The following SLC12A8 variants were observed in gnomAD, a reference collection of about 807,000 sequenced individuals.
The protein encoded by SLC12A8 is cation-chloride cotransporter 9.
Under a neutral mutation model 75.6 loss-of-function variants are expected in SLC12A8, and 69 were observed. That is an observed-to-expected ratio of 0.91 (90% CI 0.75 to 1.11). The LOEUF is 1.11. Ranked by LOEUF, SLC12A8 falls within the 50% of genes most tolerant of loss-of-function variation. The probability of loss-of-function intolerance (pLI) is 0.00; values close to 1 mark genes in which losing one functional copy is unlikely to be tolerated. For missense variants in SLC12A8, 877 were observed against 896.7 expected (o/e 0.98, Z 0.28); for synonymous variants, 365 against 372.8 (o/e 0.98, Z 0.24).
At chr3:125,131,784 G>A (rs1342064216) in intron 6 of SLC12A8, among the ~76,000 whole-genome samples, 1 of 152,198 alleles carries the variant, frequency 6.6e-6, no homozygotes, top group Non-Finnish European at 1.5e-5. Flanking sequence ...CAGAAAGCTG[G>A]CCCTGGACAG....
At chr3:125,091,117 A>T (rs1938568672) in intron 12 of SLC12A8, among the ~76,000 whole-genome samples, 1 of 152,202 alleles carries the variant, frequency 6.6e-6, no homozygotes, top group South Asian at 2.1e-4. Flanking sequence ...AACTTACCAC[A>T]ATCCGCCATC....
intron 4 of SLC12A8, among the ~76,000 whole-genome samples, chr3:125,184,266 C>T (rs1414353899): frequency 2.0e-5 from 3 of 152,166 alleles, no homozygotes; most frequent in East Asian, 1.9e-4. Flanking sequence ...CAACCACGCC[C>T]GACCTGCAAG....
chr3:125,188,504 A>G (rs893390378), intron 3 of SLC12A8, among the ~76,000 whole-genome samples: 1 of 152,234 alleles, frequency 6.6e-6, no homozygotes, highest in Non-Finnish European at 1.5e-5. Flanking sequence ...TGTTGAGCGA[A>G]TAAACAAACC....
chr3:125,157,655 C>G (rs897994642), intron 5 of SLC12A8, among the ~76,000 whole-genome samples: 1 of 152,218 alleles, frequency 6.6e-6, no homozygotes, highest in African/African-American at 2.4e-5. Context: ...GCTGAGTCTT[C>G]ACATATGCTG....
At chr3:125,092,509 T>TA (rs1230358175) in intron 10 of SLC12A8, among the ~76,000 whole-genome samples, 4 of 152,084 alleles carry the variant, frequency 2.6e-5, no homozygotes, top group African/African-American at 4.8e-5. Flanking sequence ...TGTAAGGTGT[T>TA]AGAGTGGGAG....
At chr3:125,145,262 T>C (rs1039735040) in intron 5 of SLC12A8, among the ~76,000 whole-genome samples, 7 of 152,244 alleles carry the variant, frequency 4.6e-5, no homozygotes, top group South Asian at 2.1e-4. Flanking sequence ...TACTTGCCTG[T>C]TTTTTCCACT....
At chr3:125,127,151 C>T (rs1933229118) in intron 6 of SLC12A8, among the ~76,000 whole-genome samples, 2 of 152,216 alleles carry the variant, frequency 1.3e-5, no homozygotes, top group African/African-American at 4.8e-5. Context: ...CTCTCTTTAC[C>T]TTCCTTCTGA....
intron 5 of SLC12A8, among the ~76,000 whole-genome samples, chr3:125,149,215 G>A (rs928439462): frequency 6.6e-6 from 1 of 152,200 alleles, no homozygotes; most frequent in African/African-American, 2.4e-5. Flanking sequence ...GCTGGGCAGC[G>A]CTCGCTCGCA....
chr3:125,190,236 C>T, intron 3 of SLC12A8, 139 bp downstream of exon 3: 1 of 884,656 alleles, frequency 1.1e-6, no homozygotes, highest in Non-Finnish European at 1.8e-6. Context: ...GCTAGCTATT[C>T]ATCGTGCTTG....
At chr3:125,185,605 C>T (rs1003519760) in intron 4 of SLC12A8, among the ~76,000 whole-genome samples, 2 of 152,140 alleles carry the variant, frequency 1.3e-5, no homozygotes, top group Non-Finnish European at 2.9e-5. Flanking sequence ...GAACACCTTC[C>T]AACTCAGTCT....
In SLC12A8 at chr3:125,083,776, G is replaced by T; in HGVS notation, c.*114C>A. 2 of 992,560 alleles carry T rather than the reference G, an allele frequency of 2.0e-6. No homozygotes were observed. The highest frequency in any genetic ancestry group is 2.9e-6 in the Non-Finnish European group (2 of 688,202). The allele number at this position is 992,560 out of a possible 1,614,324, so 61.5% of individuals were successfully genotyped here. On this transcript the variant is annotated 3_prime_UTR_variant, in exon 14 of 14. Transcript: ENST00000469902. The stretch of plus-strand genomic sequence containing the variant: ...TAGATTTCCATTGTCCAAAGTGACA[G>T]CGGGAGGATGGGTCTTGAGTTTCTC...
chr3:125,131,927 A>G (rs1328776842), intron 6 of SLC12A8, among the ~76,000 whole-genome samples: 1 of 152,088 alleles, frequency 6.6e-6, no homozygotes, highest in East Asian at 1.9e-4. Context: ...ACTGGTGGGG[A>G]GCCGGTAAGA....
intron 10 of SLC12A8, among the ~76,000 whole-genome samples, chr3:125,097,776 A>AT (rs1028837753): frequency 6.6e-6 from 1 of 151,906 alleles, no homozygotes. Flanking sequence ...GACTAGAGGA[A>AT]TTTTTTTTCT....
chr3:125,112,951 C>G (rs1939223876), intron 8 of SLC12A8, among the ~76,000 whole-genome samples: 2 of 152,200 alleles, frequency 1.3e-5, no homozygotes, highest in Admixed American at 6.5e-5. Flanking sequence ...CTGCATTCTC[C>G]CCTCAAAAAA....
intron 10 of SLC12A8, among the ~76,000 whole-genome samples, chr3:125,096,554 A>G (rs1412946203): frequency 9.9e-5 from 15 of 152,116 alleles, no homozygotes. Context: ...CTCAACATCT[A>G]TTTGCATTCA....
chr3:125,152,202 T>C (rs1394183157), intron 5 of SLC12A8, among the ~76,000 whole-genome samples: 2 of 152,206 alleles, frequency 1.3e-5, no homozygotes, highest in Non-Finnish European at 2.9e-5. Flanking sequence ...TTGCTTCAAG[T>C]AGAAATTTGA....
chr3:125,156,117 C>G (rs1470424342), intron 5 of SLC12A8, among the ~76,000 whole-genome samples: 1 of 152,166 alleles, frequency 6.6e-6, no homozygotes, highest in Non-Finnish European at 1.5e-5. Context: ...GGGCATGTGG[C>G]TGAGCTGTAG....
chr3:125,128,261 A>G (rs1353732298), intron 6 of SLC12A8, among the ~76,000 whole-genome samples: 1 of 139,472 alleles, frequency 7.2e-6, no homozygotes, highest in Non-Finnish European at 1.6e-5. Context: ...GCTCACTGCA[A>G]GCTCCGCCTC....
Position 125,083,804 on chromosome 3 carries a change from G to T in SLC12A8, c.*86C>A. 7.5e-7 allele frequency: 1 copy of T among 1,335,866 alleles called. No homozygotes were observed. Among genetic ancestry groups the T allele is most frequent in the Non-Finnish European group, 1.0e-6 (1 of 969,540 alleles). 82.8% of individuals were successfully genotyped at this position (1,335,866 alleles called of 1,614,324 possible). On this transcript the variant is annotated 3_prime_UTR_variant, in exon 14 of 14. Coordinates refer to ENST00000469902, the MANE Select transcript of SLC12A8 (RefSeq NM_024628.6). ...GGAGGATGGGTCTTGAGTTTCTCAG[G>T]TTGGAGAAGCAGCTCCACGAAGGTC...
Sources: allele counts gnomAD v4.1 joint callset (sites outside exome capture counted in the v4.1 genomes callset), GRCh38; gene constraint gnomAD v4.1.1; transcripts MANE v1.5; gene names NCBI Gene and HGNC (gene_info 2026-07-23, HGNC 2026-07-21).